Variants in ASTN2 observed in about 807,000 individuals in gnomAD.
The protein encoded by ASTN2 is astrotactin 2.
In ASTN2, 54 loss-of-function variants were observed where a neutral mutation model predicts 139.8. That is an observed-to-expected ratio of 0.39 (90% CI 0.31 to 0.48). The LOEUF is 0.48. ASTN2 is among the 20% of genes least tolerant of loss of function. The pLI, the probability that ASTN2 is intolerant of heterozygous loss-of-function variation, is 0.95. For missense variants in ASTN2, 1,565 were observed against 1,725.1 expected, an observed-to-expected ratio of 0.91 and a Z score of 1.64; for synonymous variants, 756 against 719.5, an observed-to-expected ratio of 1.05 and a Z score of -0.81.
intron 2 of ASTN2, among the ~76,000 whole-genome samples, chr9:117,239,771 A>G (rs1449451180): frequency 6.6e-6 from 1 of 152,214 alleles, no homozygotes; most frequent in Non-Finnish European, 1.5e-5. Context: ...TGACTCCTAG[A>G]TTGGTGTTCA....
intron 3 of ASTN2, among the ~76,000 whole-genome samples, chr9:117,165,197 A>G (rs1830642795): frequency 6.6e-6 from 1 of 152,052 alleles, no homozygotes. Context: ...CGCCATTTGC[A>G]TTTACACTGA....
chr9:117,383,357 AACTG>A lies in ASTN2; in HGVS notation c.442+31136_442+31139del, dbSNP rs555668747. On this transcript the variant is annotated intron_variant, in intron 1 of 22. Transcript: ENST00000313400. ...GATATCAGACCAGTGGGTGCCTACA[AACTG>A]ACTGACTGGAAGGAATTACTCAGGA... Among the ~76,000 whole-genome samples the A allele has an allele frequency of 3.0e-4, 46 of 152,328 alleles. No individual in the cohort carries two copies. In the South Asian group the frequency reaches 3.7e-3, roughly 12 times the overall value.
chr9:117,161,639 C>A (rs1204663508), intron 3 of ASTN2, among the ~76,000 whole-genome samples: 1 of 151,990 alleles, frequency 6.6e-6, no homozygotes, highest in Admixed American at 6.6e-5. Flanking sequence ...AGTGATCTGC[C>A]CACCTTGGCC....
rs1358697994 is a variant in ASTN2, at chr9:116,565,379, CTCTCTCTCCATATA to C, written c.3355+52931_3355+52944del. Among the ~76,000 whole-genome samples the C allele has an allele frequency of 0.016, 552 of 34,336 alleles. 35 individuals carry two copies. The East Asian group carries it at 0.2, about 12-fold the overall frequency. 22.5% of individuals were successfully genotyped at this position (34,336 alleles called of 152,430 possible). A position where few individuals can be genotyped will look rare whatever the true frequency, so the allele number is the denominator to read the frequency against. On this transcript the variant is annotated intron_variant, in intron 19 of 22. Coordinates refer to ENST00000313400, the MANE Select transcript of ASTN2 (RefSeq NM_001365068.1). ...TCTCTCTCTCTCTCTCTCTCTCTCT[CTCTCTCTCCATATA>C]TATATATATATATATATATATATAT... is the stretch of plus-strand genomic sequence containing the variant.
intron 6 of ASTN2, among the ~76,000 whole-genome samples, chr9:117,027,391 C>T (rs2132626931): frequency 6.6e-6 from 1 of 152,174 alleles, no homozygotes; most frequent in East Asian, 1.9e-4. Context: ...AACTCCCAAC[C>T]TCCAGGATAA....
chr9:116,652,134 G>T (rs1426793571), intron 16 of ASTN2, among the ~76,000 whole-genome samples: 2 of 151,846 alleles, frequency 1.3e-5, no homozygotes, highest in Non-Finnish European at 2.9e-5. Flanking sequence ...GACCAGCCTG[G>T]CCAACATTGC....
intron 20 of ASTN2, among the ~76,000 whole-genome samples, chr9:116,466,615 A>C (rs1431249038): frequency 6.6e-6 from 1 of 152,210 alleles, no homozygotes; most frequent in Non-Finnish European, 1.5e-5. Context: ...AATGCAGGGC[A>C]GAAGTTCAGG....
In ASTN2 at chr9:116,482,321, G is replaced by A. The variant is rs188003599; in HGVS notation, c.3497+5038C>T. Among the ~76,000 whole-genome samples the A allele has an allele frequency of 1.9e-3, 287 of 152,084 alleles. 5 individuals are homozygous for A. The highest frequency in any genetic ancestry group is 2.8e-3 in the Admixed American group (42 of 15,270). On this transcript the variant is annotated intron_variant, in intron 20 of 22. Coordinates refer to ENST00000313400, the MANE Select transcript of ASTN2 (RefSeq NM_001365068.1). ...AGCCTGGGTGACAGAGCAAGACTCC[G>A]TCTCAAAACAAAACAAAACAAAACA...
intron 7 of ASTN2, among the ~76,000 whole-genome samples, chr9:117,001,827 T>C (rs1588471364): frequency 6.6e-6 from 1 of 152,174 alleles, no homozygotes; most frequent in African/African-American, 2.4e-5. Context: ...CACTGTGTTT[T>C]TGATAATAGC....
chr9:116,925,650 A>G (rs1409201765), intron 10 of ASTN2, among the ~76,000 whole-genome samples: 1 of 150,266 alleles, frequency 6.7e-6, no homozygotes, highest in Admixed American at 6.6e-5. Context: ...TACTTCTTCC[A>G]GTTTCTCAGA....
At chr9:117,384,727 G>A (rs1386680609) in intron 1 of ASTN2, among the ~76,000 whole-genome samples, 10 of 152,110 alleles carry the variant, frequency 6.6e-5, no homozygotes, top group East Asian at 3.9e-4. Flanking sequence ...CATTTATCTC[G>A]TTGATTTTGT....
intron 1 of ASTN2, among the ~76,000 whole-genome samples, chr9:117,362,726 C>G (rs965401740): frequency 6.6e-6 from 1 of 152,132 alleles, no homozygotes; most frequent in African/African-American, 2.4e-5. Flanking sequence ...ACCACTGTGC[C>G]CCATATCTGG....
At chr9:117,295,778 A>G (rs1834716636) in intron 1 of ASTN2, among the ~76,000 whole-genome samples, 1 of 151,972 alleles carries the variant, frequency 6.6e-6, no homozygotes, top group Non-Finnish European at 1.5e-5. Flanking sequence ...GAAGAAGTAA[A>G]GGTCGATTGA....
chr9:117,060,432 A>AG (rs1554774087), intron 5 of ASTN2, among the ~76,000 whole-genome samples: 16 of 52,706 alleles, frequency 3.0e-4, no homozygotes, highest in Non-Finnish European at 4.1e-4. Flanking sequence ...GGAAGGAAGG[A>AG]AGAGAGAGAG....
intron 2 of ASTN2, among the ~76,000 whole-genome samples, chr9:117,223,681 GA>G (rs34583580): frequency 2.0e-5 from 3 of 152,132 alleles, no homozygotes; most frequent in African/African-American, 7.2e-5. Context: ...AATAAGGGAA[GA>G]AAAAGGCACA....
chr9:117,271,529 C>T (rs1564118487), intron 2 of ASTN2, among the ~76,000 whole-genome samples: 2 of 152,134 alleles, frequency 1.3e-5, no homozygotes, highest in African/African-American at 2.4e-5. Context: ...ATCATTTCAG[C>T]GTTAACTCAA....
rs369296592 is a variant in ASTN2 at position 116,917,034 on chromosome 9, A to G, written c.1890-53301T>C. Reference sequence around the variant, plus strand: ...CATTATTTTGCTTAAGTGACAGGGAAGTCTTGTGGACTCCTGTGGATTGCA... The same window carrying G: ...CATTATTTTGCTTAAGTGACAGGGAGGTCTTGTGGACTCCTGTGGATTGCA... On this transcript the variant is annotated intron_variant, in intron 10 of 22. Transcript: ENST00000313400. Among the ~76,000 whole-genome samples the G allele has an allele frequency of 2.6e-3, 392 of 152,100 alleles. 2 individuals carry two copies. Among genetic ancestry groups the G allele is most frequent in the African/African-American group, 9.1e-3 (378 of 41,474 alleles).
intron 3 of ASTN2, among the ~76,000 whole-genome samples, chr9:117,162,292 A>T (rs948596109): frequency 6.6e-6 from 1 of 152,146 alleles, no homozygotes. Context: ...GCAAGTGTAG[A>T]GAGAAGGGTT....
intron 10 of ASTN2, among the ~76,000 whole-genome samples, chr9:116,899,903 G>C (rs745695135): frequency 6.6e-6 from 1 of 152,028 alleles, no homozygotes. Flanking sequence ...AAGCAGACCC[G>C]TAAAAGTGGC....
Sources: gnomAD v4.1 joint callset for allele counts (sites outside exome capture counted in the v4.1 genomes callset) on GRCh38, gnomAD v4.1.1 for gene constraint, MANE v1.5 for transcripts, NCBI Gene and HGNC (gene_info 2026-07-23, HGNC 2026-07-21) for gene names.